Variants in XYLT1 observed in about 807,000 individuals in gnomAD.
The protein encoded by XYLT1 is beta-D-xylosyltransferase 1.
Under a neutral mutation model 91.3 loss-of-function variants are expected in XYLT1, and 36 were observed. That is an observed-to-expected ratio of 0.39 (90% CI 0.30 to 0.52). The LOEUF (loss-of-function observed/expected upper bound fraction) is 0.52. XYLT1 is among the 20% of genes least tolerant of loss of function. The probability of loss-of-function intolerance (pLI) is 0.68; values close to 1 mark genes in which losing one functional copy is unlikely to be tolerated. For synonymous variants in XYLT1, 588 were observed against 532.0 expected (o/e 1.11, Z -1.45); for missense variants, 1,242 against 1,284.5 (o/e 0.97, Z 0.51).
chr16:17,266,447 T>G (rs2033806244), intron 2 of XYLT1, among the ~76,000 whole-genome samples: 4 of 152,190 alleles, frequency 2.6e-5, no homozygotes. Flanking sequence ...AGACGCTATA[T>G]TTTCTACCCA....
rs1966785145 is a variant in XYLT1, at chr16:17,106,930, G to A, written c.*1765C>T. 1 of 152,128 alleles carries A rather than the reference G, an allele frequency of 6.6e-6. No individual in the cohort carries two copies. Among genetic ancestry groups the A allele is most frequent in the Non-Finnish European group, 1.5e-5 (1 of 68,044 alleles). The allele number at this position is 152,128 out of a possible 1,614,324, so 9.4% of individuals were successfully genotyped here. The stretch of plus-strand genomic sequence containing the variant: ...GCCCCTGCTTTACTCTGAGGATGAG[G>A]AGGATGGGGGGTAGACGCAGAGAAA... On this transcript the variant is annotated 3_prime_UTR_variant, in exon 12 of 12. Coordinates refer to ENST00000261381, the MANE Select transcript of XYLT1 (RefSeq NM_022166.4).
Position 17,117,997 on chromosome 16 carries a change from A to G in XYLT1, c.2224-18T>C, listed in dbSNP as rs2029907067. On this transcript the variant is annotated intron_variant, in intron 10 of 11. Transcript: ENST00000261381. ...GTGCCGACCTGAAACAGGGGAGTGA[A>G]TTCTGAAGTCACTGGGCCTGAACTA... is the stretch of plus-strand genomic sequence containing the variant. The G allele has an allele frequency of 1.8e-5, 28 of 1,597,296 alleles. No homozygotes were observed. Among genetic ancestry groups the G allele is most frequent in the Non-Finnish European group, 2.3e-5 (27 of 1,168,730 alleles).
At chr16:17,195,271 C>T (rs2141583997) in intron 5 of XYLT1, among the ~76,000 whole-genome samples, 1 of 152,268 alleles carries the variant, frequency 6.6e-6, no homozygotes, top group South Asian at 2.1e-4. Context: ...AGCAGTGCCA[C>T]TGCTAGGAAT....
At chr16:17,213,844 CCT>C (rs2034873344) in intron 3 of XYLT1, among the ~76,000 whole-genome samples, 2 of 152,078 alleles carry the variant, frequency 1.3e-5, no homozygotes, top group South Asian at 4.2e-4. Flanking sequence ...GTCTTGAACC[CCT>C]GACCTTGTGA....
intron 2 of XYLT1, among the ~76,000 whole-genome samples, chr16:17,285,790 C>T (rs2034126072): frequency 6.6e-6 from 1 of 152,074 alleles, no homozygotes; most frequent in South Asian, 2.1e-4. Context: ...CATGGTATAG[C>T]CCCCTAAAAA....
chr16:17,398,316 C>T (rs1437710413), intron 1 of XYLT1, among the ~76,000 whole-genome samples: 1 of 152,186 alleles, frequency 6.6e-6, no homozygotes, highest in Non-Finnish European at 1.5e-5. Context: ...CCATCTGGGG[C>T]TTAGAATGTC....
Position 17,187,944 on chromosome 16 carries a change from C to T in XYLT1, c.1289+10268G>A, listed in dbSNP as rs544391074. On this transcript the variant is annotated intron_variant, in intron 5 of 11. Coordinates refer to ENST00000261381, the MANE Select transcript of XYLT1 (RefSeq NM_022166.4). ...GCTCTCCTAAGATCCTTGCATCTCA[C>T]GCTTGCTTCTCTGTTCTCTGCTCCA... 8.5e-5 allele frequency among the ~76,000 whole-genome samples: 13 copies of T among 152,198 alleles called. No homozygotes were observed. The South Asian group carries it at 2.1e-3, about 24-fold the overall frequency.
At chr16:17,424,644 C>A (rs560823765) in intron 1 of XYLT1, among the ~76,000 whole-genome samples, 4 of 151,878 alleles carry the variant, frequency 2.6e-5, no homozygotes, top group Admixed American at 6.6e-5. Context: ...CCGAGGCAGG[C>A]GGATCACGAG....
At chr16:17,127,947 T>A in intron 9 of XYLT1, 86 bp from the exon 10 acceptor site, 1 of 1,317,540 alleles carries the variant, frequency 7.6e-7, no homozygotes, top group Non-Finnish European at 1.0e-6. Context: ...GTTTTGTTCC[T>A]AAAGCAGTCC....
intron 2 of XYLT1, among the ~76,000 whole-genome samples, chr16:17,332,940 C>A (rs2034923607): frequency 6.6e-6 from 1 of 152,100 alleles, no homozygotes; most frequent in Non-Finnish European, 1.5e-5. Flanking sequence ...GTAACAAGGG[C>A]AGAGTGTTTG....
chr16:17,355,566 G>GC (rs1411354715), intron 2 of XYLT1, among the ~76,000 whole-genome samples: 1 of 152,170 alleles, frequency 6.6e-6, no homozygotes, highest in Non-Finnish European at 1.5e-5. Flanking sequence ...ATCAGAGGGT[G>GC]CGTACAGGAA....
intron 2 of XYLT1, among the ~76,000 whole-genome samples, chr16:17,299,412 A>G (rs2141809248): frequency 6.6e-6 from 1 of 151,884 alleles, no homozygotes; most frequent in Non-Finnish European, 1.5e-5. Context: ...AGCCCTCTCC[A>G]TCCCGTTAAC....
intron 5 of XYLT1, among the ~76,000 whole-genome samples, chr16:17,159,941 T>C (rs1268332074): frequency 6.6e-6 from 1 of 152,234 alleles, no homozygotes; most frequent in Non-Finnish European, 1.5e-5. Flanking sequence ...ACCAGCCTTC[T>C]CTGCTTCGGA....
chr16:17,462,561 C>T (rs768939560), intron 1 of XYLT1, among the ~76,000 whole-genome samples: 3 of 152,182 alleles, frequency 2.0e-5, no homozygotes, highest in Non-Finnish European at 4.4e-5. Flanking sequence ...ATGATCCGCA[C>T]TGCATGTTTA....
intron 5 of XYLT1, among the ~76,000 whole-genome samples, chr16:17,170,822 C>G (rs1286338677): frequency 2.0e-5 from 3 of 152,180 alleles, no homozygotes; most frequent in Non-Finnish European, 4.4e-5. Context: ...ACTAATGTAT[C>G]AGAATTTGCA....
At chr16:17,385,736 C>T (rs185622128) in intron 1 of XYLT1, among the ~76,000 whole-genome samples, 117 of 151,974 alleles carry the variant, frequency 7.7e-4, no homozygotes, top group African/African-American at 2.6e-3. Context: ...AATTGATGAG[C>T]TCTGGAGTTG....
intron 1 of XYLT1, among the ~76,000 whole-genome samples, chr16:17,373,055 C>T (rs748153483): frequency 2.6e-5 from 4 of 152,134 alleles, no homozygotes; most frequent in Non-Finnish European, 4.4e-5. Context: ...ATTTATTGTG[C>T]CTGTTAGCAA....
intron 9 of XYLT1, among the ~76,000 whole-genome samples, chr16:17,132,166 G>T (rs1025161970): frequency 4.6e-5 from 7 of 152,212 alleles, no homozygotes; most frequent in Non-Finnish European, 7.3e-5. Context: ...GGCAGGCACT[G>T]CACTGTCTAC....
chr16:17,411,759 C>A (rs2036112209), intron 1 of XYLT1, among the ~76,000 whole-genome samples: 1 of 152,158 alleles, frequency 6.6e-6, no homozygotes, highest in Non-Finnish European at 1.5e-5. Flanking sequence ...GACCAGATGC[C>A]TACCTGGTTT....
Sources: gnomAD v4.1 joint callset for allele counts (sites outside exome capture counted in the v4.1 genomes callset) on GRCh38, gnomAD v4.1.1 for gene constraint, MANE v1.5 for transcripts, NCBI Gene and HGNC (gene_info 2026-07-23, HGNC 2026-07-21) for gene names.